Variants in TAMM41 observed in about 807,000 individuals in gnomAD.
TAMM41 encodes the protein TAM41 mitochondrial translocator assembly and maintenance homolog.
TAMM41 carries 36 observed loss-of-function variants against 44.1 expected under a neutral mutation model. The ratio of observed to expected loss-of-function variants is 0.82; its 90% confidence interval spans 0.63 to 1.08. The LOEUF (loss-of-function observed/expected upper bound fraction) is 1.08. TAMM41 is among the 50% of genes least tolerant of loss of function. The probability of loss-of-function intolerance (pLI) is 0.00; values close to 1 mark genes in which losing one functional copy is unlikely to be tolerated. For synonymous variants in TAMM41, 164 were observed against 153.1 expected, an observed-to-expected ratio of 1.07 and a Z score of -0.53; for missense variants, 417 against 404.3, an observed-to-expected ratio of 1.03 and a Z score of -0.27.
intron 6 of TAMM41, chr3:11,808,551 A>G (rs1412369398): frequency 1.0e-6 from 1 of 985,368 alleles, no homozygotes. Flanking sequence ...TGGAAATTCT[A>G]TCTGGCACGC....
chr3:11,820,439 T>C (rs2078469414), intron 4 of TAMM41, among the ~76,000 whole-genome samples: 1 of 152,160 alleles, frequency 6.6e-6, no homozygotes, highest in South Asian at 2.1e-4. Context: ...AACAATTGCA[T>C]GCCATGATTA....
intron 7 of TAMM41, among the ~76,000 whole-genome samples, chr3:11,796,902 C>T (rs982598779): frequency 3.3e-5 from 5 of 152,222 alleles, no homozygotes; most frequent in African/African-American, 1.2e-4. Flanking sequence ...AACGCAACCC[C>T]ATTCACAACT....
chr3:11,783,622 G>A, the TAMM41 span, among the ~76,000 whole-genome samples: 3 of 152,208 alleles, frequency 2.0e-5, no homozygotes, highest in Non-Finnish European at 4.4e-5. Flanking sequence ...ATTTTTATAA[G>A]TGAGTATAAG....
At chr3:11,845,724 A>G (rs896959803) in intron 1 of TAMM41, among the ~76,000 whole-genome samples, 7 of 152,186 alleles carry the variant, frequency 4.6e-5, no homozygotes, top group Non-Finnish European at 1.0e-4. Context: ...CAGGATGTTA[A>G]TCAGAAGACA....
chr3:11,757,522 C>T, the TAMM41 span, among the ~76,000 whole-genome samples: 9 of 152,152 alleles, frequency 5.9e-5, no homozygotes, highest in Non-Finnish European at 5.9e-5. Context: ...TAGCAGCCCA[C>T]GAGACCACAG....
the TAMM41 span, among the ~76,000 whole-genome samples, chr3:11,784,796 C>CTTTTTT: frequency 3.3e-4 from 36 of 109,014 alleles, no homozygotes; most frequent in African/African-American, 8.0e-4. Flanking sequence ...CTTTTCTTTT[C>CTTTTTT]TTTTTTTTTT....
chr3:11,731,733 T>C, the TAMM41 span, among the ~76,000 whole-genome samples: 1,215 of 152,260 alleles, frequency 8.0e-3, 17 homozygotes, highest in African/African-American at 0.028. Flanking sequence ...GATAATGTCA[T>C]TTCTAGATCT....
In TAMM41 at chr3:11,829,842, T is replaced by C. The variant is rs139110516; in HGVS notation, c.434A>G (p.Glu145Gly). ...GAGGGCTGATCTAAGAGTGACATCC[T>C]CGTTCACTGAGATAATTTTCACCTG... ...QKPVKIISVNEDVTLRSALDR... is the reference protein window; with the variant it reads ...QKPVKIISVNGDVTLRSALDR... Residue 145 changes from glutamate to glycine, a missense_variant, in exon 4 of 8, where the codon GAG becomes GGG. By Grantham distance (98) the Glu-to-Gly change is moderately conservative. Coordinates refer to ENST00000455809, the MANE Select transcript of TAMM41 (RefSeq NM_001284401.2). The C allele has an allele frequency of 1.2e-6, 2 of 1,614,032 alleles. No individual in the cohort carries two copies. The highest frequency in any genetic ancestry group is 2.7e-5 in the African/African-American group (2 of 74,906).
the TAMM41 span, among the ~76,000 whole-genome samples, chr3:11,750,269 T>C: frequency 1.3e-5 from 2 of 151,910 alleles, no homozygotes; most frequent in Admixed American, 1.3e-4. Context: ...GAATTGAGCC[T>C]ACTTTAGGCT....
chr3:11,810,935 A>G (rs2078068034), intron 5 of TAMM41: 1 of 151,922 alleles, frequency 6.6e-6, no homozygotes, highest in African/African-American at 2.4e-5. Flanking sequence ...AAAGCCAGAC[A>G]TGGTGGTGCA....
intron 3 of TAMM41, among the ~76,000 whole-genome samples, chr3:11,838,340 C>A (rs2079275591): frequency 6.6e-6 from 1 of 152,216 alleles, no homozygotes; most frequent in African/African-American, 2.4e-5. Context: ...TCAGCCTCCC[C>A]CAGTAGCTGG....
chr3:11,786,935 C>T (rs780471787), downstream of TAMM41, among the ~76,000 whole-genome samples: 143 of 152,286 alleles, frequency 9.4e-4, 1 homozygote, highest in Non-Finnish European at 1.9e-3. Flanking sequence ...TTCTTATTCT[C>T]CCTCACACTT....
At chr3:11,840,284 G>A (rs1412117905) in intron 2 of TAMM41, among the ~76,000 whole-genome samples, 1 of 151,078 alleles carries the variant, frequency 6.6e-6, no homozygotes, top group Non-Finnish European at 1.5e-5. Flanking sequence ...CCAGGCTGGA[G>A]TGCACTGGCG....
chr3:11,765,066 A>G, the TAMM41 span, among the ~76,000 whole-genome samples: 75 of 152,276 alleles, frequency 4.9e-4, no homozygotes, highest in African/African-American at 1.5e-3. Flanking sequence ...CACTGTTTTT[A>G]TAGCTTTCAT....
the TAMM41 span, among the ~76,000 whole-genome samples, chr3:11,752,073 C>T: frequency 3.9e-5 from 6 of 152,082 alleles, no homozygotes; most frequent in Admixed American, 1.3e-4. Flanking sequence ...ATTGTGTGTC[C>T]GGAGTTGGTT....
At chr3:11,783,775 A>G in the TAMM41 span, among the ~76,000 whole-genome samples, 2 of 152,232 alleles carry the variant, frequency 1.3e-5, no homozygotes, top group Non-Finnish European at 2.9e-5. Flanking sequence ...GGTTAAGAGC[A>G]CTGAGACCGG....
chr3:11,722,851 C>T, the TAMM41 span, among the ~76,000 whole-genome samples: 1 of 152,188 alleles, frequency 6.6e-6, no homozygotes, highest in Non-Finnish European at 1.5e-5. Flanking sequence ...CTGCTATAAT[C>T]CCAGCTACTC....
chr3:11,754,706 C>CTG, the TAMM41 span, among the ~76,000 whole-genome samples: 2 of 106,790 alleles, frequency 1.9e-5, no homozygotes, highest in African/African-American at 6.8e-5. Context: ...TTTCTCAGAT[C>CTG]TCTTTTTTTT....
chr3:11,798,972 T>TG (rs1486968711), intron 7 of TAMM41, among the ~76,000 whole-genome samples: 11 of 152,030 alleles, frequency 7.2e-5, no homozygotes, highest in Non-Finnish European at 1.2e-4. Flanking sequence ...TCCAGCACTT[T>TG]GGGAGGCTGA....
Sources: gnomAD v4.1 joint callset for allele counts (sites outside exome capture counted in the v4.1 genomes callset) on GRCh38, gnomAD v4.1.1 for gene constraint, MANE v1.5 for transcripts, NCBI Gene and HGNC (gene_info 2026-07-23, HGNC 2026-07-21) for gene names.